Variants in FBXW12 observed in about 807,000 individuals in gnomAD.
FBXW12 encodes the protein F-box/WD repeat-containing protein 12.
FBXW12 carries 43 observed loss-of-function variants against 55.3 expected under a neutral mutation model. The ratio of observed to expected loss-of-function variants is 0.78; its 90% CI spans 0.61 to 1.00. The LOEUF (loss-of-function observed/expected upper bound fraction) is 1.00, where lower values mean the gene tolerates loss of function less well. Ranked by LOEUF, FBXW12 falls within the 50% of genes least tolerant of loss-of-function variation. The pLI is 0.00. For missense variants in FBXW12, 524 were observed against 560.5 expected, an observed-to-expected ratio of 0.93 and a Z score of 0.66; for synonymous variants, 184 against 203.8, an observed-to-expected ratio of 0.90 and a Z score of 0.83.
chr3:48,380,466 A>G (rs112393361), intron 7 of FBXW12, among the ~76,000 whole-genome samples: 2 of 152,232 alleles, frequency 1.3e-5, no homozygotes, highest in Admixed American at 6.5e-5. Context: ...AGATGGTTTC[A>G]TAACACCTTA....
intron 10 of FBXW12, among the ~76,000 whole-genome samples, chr3:48,389,513 G>C (rs991757352): frequency 6.6e-6 from 1 of 152,094 alleles, no homozygotes; most frequent in Non-Finnish European, 1.5e-5. Flanking sequence ...TAAGTAGCTG[G>C]AATTACAGGC....
At chr3:48,390,034 C>T (rs1400484165) in intron 10 of FBXW12, among the ~76,000 whole-genome samples, 1 of 152,124 alleles carries the variant, frequency 6.6e-6, no homozygotes, top group African/African-American at 2.4e-5. Context: ...TTTCTGGGTT[C>T]TCTATTCTGT....
At chr3:48,377,789 A>G (rs1406344091) in intron 5 of FBXW12, among the ~76,000 whole-genome samples, 1 of 152,200 alleles carries the variant, frequency 6.6e-6, no homozygotes, top group Non-Finnish European at 1.5e-5. Flanking sequence ...CACTTGTGAT[A>G]ATTTATTAAA....
chr3:48,394,687 A>G lies in FBXW12; in HGVS notation c.*28A>G, dbSNP rs775820676. 1 of 1,195,694 alleles carries G rather than the reference A, an allele frequency of 8.4e-7. No homozygotes were observed. The allele number at this position is 1,195,694 out of a possible 1,614,324, so 74.1% of individuals were successfully genotyped here. A position where few individuals can be genotyped will look rare whatever the true frequency, so the allele number is the denominator to read the frequency against. ...TGGAAACTAACAAAATTGACCTTGC[A>G]TCATCTTCTGCAATGTAGTAAAGAA... On this transcript the variant is annotated 3_prime_UTR_variant, in exon 11 of 11. Coordinates refer to ENST00000296438, the MANE Select transcript of FBXW12 (RefSeq NM_207102.2).
intron 4 of FBXW12, among the ~76,000 whole-genome samples, chr3:48,375,058 T>C (rs2036663364): frequency 6.6e-6 from 1 of 152,140 alleles, no homozygotes; most frequent in Non-Finnish European, 1.5e-5. Context: ...CCACTGTGCC[T>C]GGACTTGATA....
intron 5 of FBXW12, among the ~76,000 whole-genome samples, chr3:48,376,616 T>G (rs2036690137): frequency 6.6e-6 from 1 of 152,160 alleles, no homozygotes; most frequent in African/African-American, 2.4e-5. Flanking sequence ...CAGCTTGGAT[T>G]TAAAGGGGCC....
chr3:48,378,301 T>C lies in FBXW12; in HGVS notation c.406-16T>C. ...AGGGTTCCTTGAACACAGGTCGTGT[T>C]ACTCTCGTTTTCTAGGGTACCATGA... is the stretch of plus-strand genomic sequence containing the variant. On this transcript the variant is annotated splice_polypyrimidine_tract_variant and intron_variant, in intron 5 of 10. Transcript: ENST00000296438. 6.2e-7 allele frequency: 1 copy of C among 1,603,842 alleles called. No individual in the cohort carries two copies. The highest frequency in any genetic ancestry group is 2.2e-5 in the East Asian group (1 of 44,796).
intron 10 of FBXW12, among the ~76,000 whole-genome samples, chr3:48,388,624 T>C (rs1209494265): frequency 6.6e-6 from 1 of 152,224 alleles, no homozygotes; most frequent in Non-Finnish European, 1.5e-5. Flanking sequence ...TTCTTTTACT[T>C]CCAATCTACT....
intron 7 of FBXW12, 31 bp from the exon 8 acceptor site, chr3:48,380,671 C>A (rs768911499): frequency 2.6e-6 from 4 of 1,541,938 alleles, no homozygotes; most frequent in East Asian, 4.5e-5. Flanking sequence ...AAGTTCCCTG[C>A]CCCTGACCAT....
At chr3:48,381,901 G>C in intron 9 of FBXW12, 23 bp downstream of exon 9, 1 of 1,611,340 alleles carries the variant, frequency 6.2e-7, no homozygotes, top group East Asian at 2.2e-5. Flanking sequence ...CTCCTCCACT[G>C]CTTTTTGATC....
intron 7 of FBXW12, 115 bp from the exon 8 acceptor site, chr3:48,380,587 G>A: frequency 1.3e-6 from 1 of 751,770 alleles, no homozygotes; most frequent in Non-Finnish European, 2.3e-6. Context: ...CTGAGATATT[G>A]AACAAAGCTT....
Position 48,380,845 on chromosome 3 carries a change from A to T in FBXW12, c.918A>T (p.Gly306=), listed in dbSNP as rs749103268. The T allele has an allele frequency of 1.7e-5, 27 of 1,614,034 alleles. No homozygotes were observed. Among genetic ancestry groups the T allele is most frequent in the Non-Finnish European group, 2.2e-5 (26 of 1,180,028 alleles). Residue 306 remains glycine (G), a synonymous_variant, in exon 8 of 11, where the codon GGA becomes GGT. Transcript: ENST00000296438. ...RITLMSQSST[G]KKTEFITFDL... is the part of the protein sequence containing the mutation. ...CACTGATGTCCCAAAGTAGCACTGG[A>T]AAAAAGACAGAATTTATCACCTTTG...
rs1313025091 is a variant in FBXW12 at position 48,372,306 on chromosome 3, A to C, written c.-99A>C. 1.3e-6 allele frequency: 2 copies of C among 1,552,270 alleles called. No homozygotes were observed. Among genetic ancestry groups the C allele is most frequent in the East Asian group, 2.4e-5 (1 of 40,926 alleles). ...CTGAGAGATGAGCCCCACTCACCAG[A>C]TTCAAGATCCCAAGGTAGGCACAGA... On this transcript the variant is annotated 5_prime_UTR_variant, in exon 1 of 11. Transcript: ENST00000296438.
chr3:48,374,111 G>A (rs952718190), intron 4 of FBXW12, among the ~76,000 whole-genome samples: 1 of 152,060 alleles, frequency 6.6e-6, no homozygotes, highest in Non-Finnish European at 1.5e-5. Context: ...TTGAGCCCAC[G>A]AGTTCAAGAC....
chr3:48,380,676 G>T lies in FBXW12; in HGVS notation c.775-26G>T, dbSNP rs1179026824. ...GAGAGGCTATAAGTTCCCTGCCCCT[G>T]ACCATGCATGCGATGCTCTCTTTAG... On this transcript the variant is annotated intron_variant, in intron 7 of 10. Transcript: ENST00000296438. The T allele has an allele frequency of 1.9e-6, 3 of 1,570,154 alleles. No homozygotes were observed. In the South Asian group the frequency reaches 3.3e-5, roughly 17 times the overall value.
Position 48,375,974 on chromosome 3 carries a change from C to CTTTTTT in FBXW12, c.405+524_405+529dup, listed in dbSNP as rs34834484. On this transcript the variant is annotated intron_variant, in intron 5 of 10. Coordinates refer to ENST00000296438, the MANE Select transcript of FBXW12 (RefSeq NM_207102.2). ...ACAGGCGTGAGCCACTGCGCCCGGC[C>CTTTTTT]TTTTTTTTTTTTTTTTTTTTTTTTT... 1.5e-3 allele frequency among the ~76,000 whole-genome samples: 60 copies of CTTTTTT among 40,654 alleles called. 11 individuals are homozygous for CTTTTTT. The highest frequency in any genetic ancestry group is 1.9e-3 in the Admixed American group (4 of 2,154). 26.7% of individuals were successfully genotyped at this position (40,654 alleles called of 152,430 possible).
At chr3:48,383,157 G>A (rs2036801818) in intron 10 of FBXW12, among the ~76,000 whole-genome samples, 2 of 152,186 alleles carry the variant, frequency 1.3e-5, no homozygotes, top group Admixed American at 6.5e-5. Context: ...ATATCTATAA[G>A]CATGCTTAGC....
chr3:48,379,305 CAG>C (rs2036730286), intron 6 of FBXW12, 93 bp from the exon 7 acceptor site: 1 of 1,108,042 alleles, frequency 9.0e-7, no homozygotes, highest in Non-Finnish European at 1.4e-6. Context: ...ATTGAAGAAA[CAG>C]TGGCATATCT....
intron 10 of FBXW12, among the ~76,000 whole-genome samples, chr3:48,388,998 C>G (rs1019596690): frequency 1.1e-4 from 17 of 152,144 alleles, no homozygotes; most frequent in East Asian, 3.8e-4. Flanking sequence ...CCAACACCTC[C>G]CTGTTCCCTG....
Sources: allele counts gnomAD v4.1 joint callset (sites outside exome capture counted in the v4.1 genomes callset), GRCh38; gene constraint gnomAD v4.1.1; transcripts MANE v1.5; gene names NCBI Gene and HGNC (gene_info 2026-07-23, HGNC 2026-07-21).